Variants in ANKRD36B observed in about 807,000 individuals in gnomAD.
ANKRD36B encodes ankyrin repeat domain 36B.
Under a neutral mutation model 135.7 loss-of-function variants are expected in ANKRD36B, and 37 were observed. The ratio of observed to expected loss-of-function variants is 0.27; its 90% CI spans 0.21 to 0.36. The LOEUF (loss-of-function observed/expected upper bound fraction) is 0.36. Among genes scored for constraint, ANKRD36B ranks in the 10% least tolerant of loss-of-function variants. The pLI is 1.00. For missense variants in ANKRD36B, 549 were observed against 1,037.1 expected (o/e 0.53, Z 6.46); for synonymous variants, 179 against 348.1 (o/e 0.51, Z 5.41).
chr2:97,555,228 T>G lies in ANKRD36B; in HGVS notation c.1096A>C (p.Lys366Gln), dbSNP rs2080407995. The change falls in exon 13 of 44, where the codon AAG (lysine) becomes CAG (glutamine). Residue 366 changes from lysine (K) to glutamine (Q), a missense_variant and splice_region_variant. Physicochemically the swap from Lys to Gln is moderately conservative, Grantham distance 53. Transcript: ENST00000359901. ...AATATAAATGAGAATTTAATTACCT[T>G]TGAGGCTGGTTGTTTCTGAGAAGAC... ...TVSSQKQPAS[K>Q]TASDKTDSAL... is the part of the protein sequence containing the mutation. The G allele has an allele frequency of 1.2e-6, 2 of 1,611,286 alleles. No individual in the cohort carries two copies. The highest frequency in any genetic ancestry group is 1.7e-6 in the Non-Finnish European group (2 of 1,178,320).
chr2:97,555,182 A>T, intron 13 of ANKRD36B, 44 bp downstream of exon 13: 1 of 1,611,202 alleles, frequency 6.2e-7, no homozygotes, highest in South Asian at 1.1e-5. Context: ...TGTTTCATGG[A>T]CTATACAGTT....
intron 10 of ANKRD36B, among the ~76,000 whole-genome samples, chr2:97,557,335 T>C (rs550600805): frequency 5.9e-5 from 9 of 151,648 alleles, no homozygotes; most frequent in Non-Finnish European, 1.3e-4. Context: ...AAATATACAG[T>C]CAGAAATTAC....
rs201372645 is a variant in ANKRD36B, at chr2:97,549,444, T to G, written c.1452A>C (p.Lys484Asn). The part of the protein sequence containing the change: ...EDSVLNIARE[K>N]KDGEKSRTVS... ...CTGTCCTAGATTTTTCTCCATCCTT[T>G]TTTTCTCTGGCTATATTCAAAACAG... is the stretch of plus-strand genomic sequence containing the variant. Residue 484 changes from lysine (K) to asparagine (N), a missense_variant, in exon 20 of 44, where the codon AAA (lysine) becomes AAC (asparagine). Physicochemically the swap from Lys to Asn is moderately conservative, Grantham distance 94 (BLOSUM62 0). Transcript: ENST00000359901. 1.4e-5 allele frequency: 22 copies of G among 1,580,236 alleles called. No individual in the cohort carries two copies. Among genetic ancestry groups the G allele is most frequent in the East Asian group, 6.9e-5 (3 of 43,526 alleles).
At chr2:97,543,183 G>A (rs1239653963) in intron 26 of ANKRD36B, among the ~76,000 whole-genome samples, 6 of 151,674 alleles carry the variant, frequency 4.0e-5, no homozygotes, top group African/African-American at 1.4e-4. Context: ...CCTGCACCCA[G>A]TAGTTCCAGC....
At chr2:97,547,669 T>G (rs865901225) in intron 21 of ANKRD36B, 34 bp downstream of exon 21, 1 of 1,555,594 alleles carries the variant, frequency 6.4e-7, no homozygotes, top group Non-Finnish European at 8.7e-7. Flanking sequence ...ACTATACATT[T>G]ACTAGTTCAC....
rs560198279 is a variant in ANKRD36B, at chr2:97,565,139, C to G, written c.764-4279G>C. ...TATTCTCTTTGTAGCAATTGTGTAT[C>G]GGATTTCACTCATGATTTAGCACTC... On this transcript the variant is annotated intron_variant, in intron 6 of 43. Transcript: ENST00000359901. Among the ~76,000 whole-genome samples the G allele has an allele frequency of 3.9e-5, 6 of 152,024 alleles. No individual in the cohort carries two copies. The South Asian group carries it at 6.2e-4, about 16-fold the overall frequency.
At chr2:97,549,392 T>C (rs1320938655) in intron 20 of ANKRD36B, 27 bp downstream of exon 20, 1 of 1,541,704 alleles carries the variant, frequency 6.5e-7, no homozygotes, top group Admixed American at 1.9e-5. Flanking sequence ...GGACTGAACA[T>C]GACATTAAAT....
intron 28 of ANKRD36B, 66 bp downstream of exon 28, chr2:97,541,845 T>C (rs2079165328): frequency 1.1e-6 from 1 of 919,420 alleles, no homozygotes; most frequent in Non-Finnish European, 1.6e-6. Context: ...CCCGCTGATT[T>C]ATTTGGGGAA....
At chr2:97,556,191 G>C (rs537185047) in intron 12 of ANKRD36B, among the ~76,000 whole-genome samples, 3 of 151,722 alleles carry the variant, frequency 2.0e-5, no homozygotes, top group African/African-American at 7.2e-5. Context: ...AAAAGCTTTG[G>C]AAAAAAGCTA....
intron 18 of ANKRD36B, among the ~76,000 whole-genome samples, chr2:97,550,208 A>G (rs995105639): frequency 7.1e-6 from 1 of 140,654 alleles, no homozygotes; most frequent in Non-Finnish European, 1.6e-5. Flanking sequence ...CATATGGTGT[A>G]ATAATCTGCC....
chr2:97,524,947 C>T (rs1576812724), intron 35 of ANKRD36B: 1 of 96,986 alleles, frequency 1.0e-5, no homozygotes, highest in South Asian at 2.3e-4. Context: ...GATAAATTTG[C>T]TAGTTTTCTT....
chr2:97,572,926 T>C lies in ANKRD36B; in HGVS notation c.763+3453A>G, dbSNP rs2081977396. Reference sequence around the variant, plus strand: ...CTCGTCTGTAGGCTACTTCTTTTTTTTTTTTTTTATACTTTTAGAGTACAT... The same window carrying C: ...CTCGTCTGTAGGCTACTTCTTTTTTCTTTTTTTTATACTTTTAGAGTACAT... On this transcript the variant is annotated intron_variant, in intron 6 of 43. Transcript: ENST00000359901. Among the ~76,000 whole-genome samples the C allele has an allele frequency of 2.6e-5, 4 of 151,992 alleles. No individual in the cohort carries two copies. The South Asian group carries it at 8.3e-4, about 31-fold the overall frequency.
At chr2:97,571,007 G>A (rs1440352258) in intron 6 of ANKRD36B, among the ~76,000 whole-genome samples, 1 of 152,032 alleles carries the variant, frequency 6.6e-6, no homozygotes, top group African/African-American at 2.4e-5. Context: ...ATCCATAAGG[G>A]AACAGAAATA....
chr2:97,567,959 T>C (rs1391407393), intron 6 of ANKRD36B, among the ~76,000 whole-genome samples: 1 of 152,106 alleles, frequency 6.6e-6, no homozygotes, highest in East Asian at 1.9e-4. Context: ...TTGCCTCACT[T>C]ATCACATAGC....
chr2:97,550,562 T>C (rs1427378299), intron 18 of ANKRD36B, among the ~76,000 whole-genome samples: 1 of 151,974 alleles, frequency 6.6e-6, no homozygotes, highest in Non-Finnish European at 1.5e-5. Flanking sequence ...AATGTGTTCA[T>C]ATTCAAGTTT....
At chr2:97,565,309 G>C (rs2081346697) in intron 6 of ANKRD36B, among the ~76,000 whole-genome samples, 1 of 151,668 alleles carries the variant, frequency 6.6e-6, no homozygotes, top group Non-Finnish European at 1.5e-5. Flanking sequence ...TCTGCAAACA[G>C]AGACAATTTG....
chr2:97,542,215 T>TAAAGCATCAAAGCCTACACTAATA, intron 26 of ANKRD36B, 108 bp from the exon 27 acceptor site: 1 of 602,636 alleles, frequency 1.7e-6, no homozygotes, highest in Non-Finnish European at 2.7e-6. Flanking sequence ...GTTATTAGTG[T>TAAAGCATCAAAGCCTACACTAATA]AGGCTTTGAT....
chr2:97,575,571 T>C (rs908922897), intron 6 of ANKRD36B, among the ~76,000 whole-genome samples: 4 of 147,832 alleles, frequency 2.7e-5, no homozygotes, highest in African/African-American at 9.9e-5. Context: ...TGCTTTATAT[T>C]TCTACTGCCA....
At chr2:97,574,314 A>C (rs2104915390) in intron 6 of ANKRD36B, among the ~76,000 whole-genome samples, 1 of 152,330 alleles carries the variant, frequency 6.6e-6, no homozygotes, top group East Asian at 1.9e-4. Context: ...GCCATCAGAG[A>C]AATGCAAATC....
Sources: gnomAD v4.1 joint callset for allele counts (sites outside exome capture counted in the v4.1 genomes callset) on GRCh38, gnomAD v4.1.1 for gene constraint, MANE v1.5 for transcripts, NCBI Gene and HGNC (gene_info 2026-07-23, HGNC 2026-07-21) for gene names.